Variants in PCDH15 observed in about 807,000 individuals in gnomAD.
PCDH15 encodes protocadherin related 15, also known as protocadherin-15.
Under a neutral mutation model 178.5 loss-of-function variants are expected in PCDH15, and 129 were observed. The ratio of observed to expected loss-of-function variants is 0.72; its 90% CI spans 0.63 to 0.84. The LOEUF (loss-of-function observed/expected upper bound fraction) is 0.84. Among genes scored for constraint, PCDH15 ranks in the 40% least tolerant of loss-of-function variants. The probability of loss-of-function intolerance (pLI) is 0.00; values close to 1 mark genes in which losing one functional copy is unlikely to be tolerated. For missense variants in PCDH15, 2,230 were observed against 2,099.9 expected, an observed-to-expected ratio of 1.06 and a Z score of -1.21; for synonymous variants, 800 against 732.0, an observed-to-expected ratio of 1.09 and a Z score of -1.50.
chr10:55,005,411 T>C (rs935930846), intron 2 of PCDH15, among the ~76,000 whole-genome samples: 6 of 152,114 alleles, frequency 3.9e-5, no homozygotes, highest in Non-Finnish European at 5.9e-5. Context: ...TGAATTCTTT[T>C]AGCAGATAAC....
At chr10:55,589,081 C>CAAAAAAAAAAA (rs35940637) in intron 2 of PCDH15, among the ~76,000 whole-genome samples, 7 of 81,118 alleles carry the variant, frequency 8.6e-5, no homozygotes, top group Non-Finnish European at 1.5e-4. Flanking sequence ...AATTCCGTGT[C>CAAAAAAAAAAA]AAAAAAAAAA....
At chr10:54,161,101 T>C (rs753789999) in intron 13 of PCDH15, among the ~76,000 whole-genome samples, 2 of 152,194 alleles carry the variant, frequency 1.3e-5, no homozygotes, top group African/African-American at 2.4e-5. Context: ...AAGTGACTTA[T>C]ATAGAATATT....
chr10:54,299,431 G>A (rs2060016585), intron 8 of PCDH15, among the ~76,000 whole-genome samples: 1 of 152,154 alleles, frequency 6.6e-6, no homozygotes, highest in Admixed American at 6.5e-5. Context: ...TTAAAAGCCA[G>A]GGTAAATTTA....
intron 23 of PCDH15, among the ~76,000 whole-genome samples, chr10:53,943,612 A>T (rs1276017667): frequency 6.6e-6 from 1 of 152,166 alleles, no homozygotes; most frequent in Non-Finnish European, 1.5e-5. Context: ...AAATAATACT[A>T]AAAAAAGTAA....
chr10:53,811,493 TC>T, intron 36 of PCDH15, 55 bp downstream of exon 36: 1 of 1,032,618 alleles, frequency 9.7e-7, no homozygotes, highest in East Asian at 2.9e-5. Flanking sequence ...TTTAATAATT[TC>T]CTATTAATAA....
At chr10:54,422,530 C>T (rs926438123) in intron 3 of PCDH15, among the ~76,000 whole-genome samples, 2 of 152,110 alleles carry the variant, frequency 1.3e-5, no homozygotes, top group Non-Finnish European at 2.9e-5. Flanking sequence ...GGCACTACGA[C>T]ATTTTGGGTC....
intron 2 of PCDH15, among the ~76,000 whole-genome samples, chr10:55,394,814 A>T (rs1439259802): frequency 6.6e-6 from 1 of 152,130 alleles, no homozygotes; most frequent in African/African-American, 2.4e-5. Context: ...AACAAACATC[A>T]ACAATTTTGT....
rs143379967 is a variant in PCDH15, at chr10:54,274,223, C to T, written c.877-37292G>A. On this transcript the variant is annotated intron_variant, in intron 8 of 37. Coordinates refer to ENST00000644397, the MANE Select transcript of PCDH15 (RefSeq NM_001384140.1). The stretch of plus-strand genomic sequence containing the variant: ...TACCGGGGTGATGAAATAATCTGTA[C>T]AACAAACCACCATGATACGAGTTTA... Among the ~76,000 whole-genome samples, 16 of 152,026 alleles carry T rather than the reference C, an allele frequency of 1.1e-4. No homozygotes were observed. The East Asian group carries it at 2.5e-3, about 24-fold the overall frequency.
intron 1 of PCDH15, among the ~76,000 whole-genome samples, chr10:55,171,539 A>T (rs550542511): frequency 6.6e-6 from 1 of 152,286 alleles, no homozygotes; most frequent in African/African-American, 2.4e-5. Context: ...ATTAAAATTA[A>T]AAAAACAACG....
intron 1 of PCDH15, among the ~76,000 whole-genome samples, chr10:54,687,915 G>T (rs1183218130): frequency 6.6e-6 from 1 of 151,974 alleles, no homozygotes; most frequent in Non-Finnish European, 1.5e-5. Flanking sequence ...TTGTATGGCA[G>T]AAAGTTTCAG....
Position 54,270,104 on chromosome 10 carries a change from T to C in PCDH15, c.877-33173A>G, listed in dbSNP as rs1231773900. Among the ~76,000 whole-genome samples the C allele has an allele frequency of 2.0e-5, 3 of 152,100 alleles. No individual in the cohort carries two copies. The East Asian group carries it at 5.8e-4, about 29-fold the overall frequency. ...ATTGGGTAGTCATTTATCTTTTGTT[T>C]CATATTTTTTACTGGACTAATATTC... On this transcript the variant is annotated intron_variant, in intron 8 of 37. Coordinates refer to ENST00000644397, the MANE Select transcript of PCDH15 (RefSeq NM_001384140.1).
Position 55,547,594 on chromosome 10 carries a change from CA to C in PCDH15, c.-156+80030del, listed in dbSNP as rs529043884. On this transcript the variant is annotated intron_variant, in intron 2 of 5. Coordinates refer to the PCDH15 transcript ENST00000613346. ...GTATGGCTAAAGTAAAAAAAACAAA[CA>C]AAAAAACATTAAACATGGCCACAAA... Among the ~76,000 whole-genome samples the C allele has an allele frequency of 2.7e-3, 416 of 151,852 alleles. 5 individuals are homozygous for C. The highest frequency in any genetic ancestry group is 0.023 in the Admixed American group (353 of 15,234).
chr10:54,513,280 A>ATTT (rs1215425289), intron 3 of PCDH15, among the ~76,000 whole-genome samples: 10 of 129,970 alleles, frequency 7.7e-5, no homozygotes, highest in Admixed American at 1.6e-4. Context: ...TTTATTTATG[A>ATTT]GACACAGTCT....
intron 1 of PCDH15, among the ~76,000 whole-genome samples, chr10:54,667,587 G>C (rs2094591341): frequency 6.6e-6 from 1 of 151,996 alleles, no homozygotes; most frequent in Non-Finnish European, 1.5e-5. Context: ...CCATAATCTT[G>C]CTAAGTGACT....
Position 54,369,220 on chromosome 10 carries a change from A to G in PCDH15, c.374T>C (p.Val125Ala). 1.2e-6 allele frequency: 2 copies of G among 1,612,868 alleles called. No homozygotes were observed. Among genetic ancestry groups the G allele is most frequent in the Non-Finnish European group, 1.7e-6 (2 of 1,179,344 alleles). Residue 125 changes from valine to alanine, a missense_variant, in exon 5 of 38, where the codon GTG becomes GCG. Transcript: ENST00000644397. ...VVQVQCINKKVGTIIYHEVRI... is the reference protein window; with the variant it reads ...VVQVQCINKKAGTIIYHEVRI... ...CACTTCATGGTAGATAATAGTGCCC[A>G]CTTTTTTGTTGATGCACTGGACCTG...
intron 2 of PCDH15, among the ~76,000 whole-genome samples, chr10:54,640,058 G>T (rs2093955384): frequency 6.6e-6 from 1 of 152,010 alleles, no homozygotes; most frequent in Admixed American, 6.6e-5. Flanking sequence ...GAATAGCACT[G>T]CACTCCAGCC....
intron 35 of PCDH15, among the ~76,000 whole-genome samples, chr10:53,813,679 A>G (rs1345343189): frequency 6.6e-6 from 1 of 152,226 alleles, no homozygotes; most frequent in Non-Finnish European, 1.5e-5. Flanking sequence ...ATTGGAAACA[A>G]TGCAAAAGTC....
intron 1 of PCDH15, among the ~76,000 whole-genome samples, chr10:55,307,630 C>T (rs149162709): frequency 6.6e-6 from 1 of 151,592 alleles, no homozygotes; most frequent in Non-Finnish European, 1.5e-5. Context: ...CTCTCTCTGC[C>T]TCTCTATTTT....
intron 2 of PCDH15, among the ~76,000 whole-genome samples, chr10:55,109,924 A>T (rs1837454242): frequency 6.6e-6 from 1 of 151,884 alleles, no homozygotes; most frequent in East Asian, 1.9e-4. Flanking sequence ...CAGAAGAAAA[A>T]TAAGCACTTG....
Sources: allele counts gnomAD v4.1 joint callset (sites outside exome capture counted in the v4.1 genomes callset), GRCh38; gene constraint gnomAD v4.1.1; transcripts MANE v1.5; gene names NCBI Gene and HGNC (gene_info 2026-07-23, HGNC 2026-07-21).